Variants in PCDHA12 observed in about 807,000 individuals in gnomAD.
The protein encoded by PCDHA12 is protocadherin alpha 12.
PCDHA12 carries 44 observed loss-of-function variants against 60.0 expected under a neutral mutation model. The observed-to-expected ratio is 0.73, with a 90% CI of 0.58 to 0.94. The LOEUF (loss-of-function observed/expected upper bound fraction) is 0.94. PCDHA12 is among the 40% of genes least tolerant of loss of function. The pLI is 0.00. For missense variants in PCDHA12, 1,276 were observed against 1,239.7 expected, an observed-to-expected ratio of 1.03 and a Z score of -0.44; for synonymous variants, 569 against 553.0, an observed-to-expected ratio of 1.03 and a Z score of -0.40.
rs782034471 is a variant in PCDHA12 at position 141,010,170 on chromosome 5, T to G, written c.*233T>G. ...TCCACTCTGGCTTGTTTTCAGAACCTAAAAAGCAGACCCAAGTTTCCTTTC... is the reference window on the plus strand; with the variant it reads ...TCCACTCTGGCTTGTTTTCAGAACCGAAAAAGCAGACCCAAGTTTCCTTTC... On this transcript the variant is annotated 3_prime_UTR_variant, in exon 4 of 4. Transcript: ENST00000398631. 6.4e-7 allele frequency: 1 copy of G among 1,559,590 alleles called. No individual in the cohort carries two copies.
Position 140,877,791 on chromosome 5 carries a change from C to T in PCDHA12, c.2319C>T (p.Ser773=). ...CCAAGACGGACCTCATGGCCTTCAG[C>T]CCAAGCCTTCAGCTGTCTCGAGAAG... is the stretch of plus-strand genomic sequence containing the variant. The part of the protein sequence containing the change: ...SPPKTDLMAF[S]PSLQLSREDC... Residue 773 remains serine (S), a synonymous_variant, in exon 1 of 4, where the codon AGC becomes AGT. Transcript: ENST00000398631. 6.2e-7 allele frequency: 1 copy of T among 1,614,022 alleles called. No individual in the cohort carries two copies.
chr5:140,928,106 G>A, intron 1 of PCDHA12: 4 of 1,614,150 alleles, frequency 2.5e-6, no homozygotes, highest in Non-Finnish European at 3.4e-6. Context: ...CCCCTGGACC[G>A]GGAGCAGATC....
chr5:140,928,296 T>C (rs2085128137), intron 1 of PCDHA12: 6 of 1,614,054 alleles, frequency 3.7e-6, no homozygotes, highest in African/African-American at 1.3e-5. Flanking sequence ...GCCGAGTGTT[T>C]GCCCAGGACC....
At chr5:140,979,067 A>C (rs1938790025) in intron 2 of PCDHA12, 60 bp downstream of exon 2, 1 of 1,601,882 alleles carries the variant, frequency 6.2e-7, no homozygotes, top group Non-Finnish European at 8.5e-7. Flanking sequence ...GCTCAGATAA[A>C]CTGCATCTCC....
intron 1 of PCDHA12, among the ~76,000 whole-genome samples, chr5:140,904,056 G>A (rs1474308111): frequency 6.6e-6 from 1 of 151,944 alleles, no homozygotes; most frequent in Non-Finnish European, 1.5e-5. Context: ...TATTTCAATG[G>A]GTTTTTGGGG....
chr5:140,973,134 C>T (rs999970948), intron 1 of PCDHA12, among the ~76,000 whole-genome samples: 6 of 152,182 alleles, frequency 3.9e-5, no homozygotes, highest in Admixed American at 6.5e-5. Flanking sequence ...AGTTTGCATT[C>T]ACTTTCACTT....
intron 3 of PCDHA12, among the ~76,000 whole-genome samples, chr5:140,987,224 A>C (rs28567024): frequency 6.6e-6 from 1 of 151,930 alleles, no homozygotes; most frequent in South Asian, 2.1e-4. Context: ...AAAAAAAAAA[A>C]AAATAATAAA....
intron 2 of PCDHA12, among the ~76,000 whole-genome samples, chr5:140,979,323 T>C (rs2096844622): frequency 6.6e-6 from 1 of 152,180 alleles, no homozygotes; most frequent in Non-Finnish European, 1.5e-5. Context: ...TATGCTTTCT[T>C]TTCCTCCTTT....
intron 3 of PCDHA12, among the ~76,000 whole-genome samples, chr5:140,982,904 T>G (rs1353983952): frequency 1.3e-5 from 2 of 151,900 alleles, no homozygotes; most frequent in African/African-American, 4.8e-5. Context: ...GGTGGCCTTA[T>G]GCACAGAGAT....
At position 140,877,853 on chromosome 5, in the gene PCDHA12, A is replaced by G. The variant is rs1299590962; in HGVS notation, c.2367+14A>G. On this transcript the variant is annotated intron_variant, in intron 1 of 3. Transcript: ENST00000398631. ...CCTCCCAGTGAAGTAAGTTATTAAT[A>G]TTATTTAGATATATTTGTTTCCTTG... 2.0e-6 allele frequency: 3 copies of G among 1,535,406 alleles called. No homozygotes were observed. The East Asian group carries it at 7.1e-5, about 36-fold the overall frequency.
In PCDHA12 at chr5:141,010,461, G is replaced by A; in HGVS notation, c.*524G>A. The A allele has an allele frequency of 1.2e-6, 1 of 823,014 alleles. No homozygotes were observed. The highest frequency in any genetic ancestry group is 1.8e-6 in the Non-Finnish European group (1 of 553,022). The allele number at this position is 823,014 out of a possible 1,614,324, so 51.0% of individuals were successfully genotyped here. A position where few individuals can be genotyped will look rare whatever the true frequency, so the allele number is the denominator to read the frequency against. On this transcript the variant is annotated 3_prime_UTR_variant, in exon 4 of 4. Transcript: ENST00000398631. ...GACAAATAAACAGCGGAAGTTATCA[G>A]TATGGAGGGGAAGTGTAAACTTAAA...
rs1382247797 is a variant in PCDHA12 at position 141,012,282 on chromosome 5, C to T, written c.*2345C>T. 2.6e-5 allele frequency: 4 copies of T among 153,718 alleles called. No individual in the cohort carries two copies. Among genetic ancestry groups the T allele is most frequent in the Non-Finnish European group, 4.4e-5 (3 of 68,036 alleles). 9.5% of individuals were successfully genotyped at this position (153,718 alleles called of 1,614,324 possible). Reference sequence around the variant, plus strand: ...AAGGATAAAACACGTCATGTGGATTCATTTTGAATTGGTGCTATTGGTATT... The same window carrying T: ...AAGGATAAAACACGTCATGTGGATTTATTTTGAATTGGTGCTATTGGTATT... On this transcript the variant is annotated 3_prime_UTR_variant, in exon 4 of 4. Coordinates refer to ENST00000398631, the MANE Select transcript of PCDHA12 (RefSeq NM_018903.4).
chr5:140,982,633 A>G (rs2096992474), intron 3 of PCDHA12, 70 bp downstream of exon 3: 1 of 1,557,590 alleles, frequency 6.4e-7, no homozygotes, highest in Non-Finnish European at 8.7e-7. Flanking sequence ...CTTTTGTAAG[A>G]TCAGGAATGT....
At chr5:140,922,863 G>A (rs1429324543) in intron 1 of PCDHA12, among the ~76,000 whole-genome samples, 10 of 152,160 alleles carry the variant, frequency 6.6e-5, no homozygotes, top group Admixed American at 5.2e-4. Context: ...ACATAGACAA[G>A]GGGAAAAAAT....
At chr5:140,911,250 A>G (rs1165718759) in intron 1 of PCDHA12, among the ~76,000 whole-genome samples, 1 of 152,166 alleles carries the variant, frequency 6.6e-6, no homozygotes. Context: ...AAGTTTCATC[A>G]GAATTTATAA....
chr5:140,905,215 AAGGTG>A (rs2071683869), intron 1 of PCDHA12, among the ~76,000 whole-genome samples: 1 of 152,186 alleles, frequency 6.6e-6, no homozygotes, highest in Non-Finnish European at 1.5e-5. Flanking sequence ...ATTTTTGTGT[AAGGTG>A]AGAGATGAGG....
intron 1 of PCDHA12, among the ~76,000 whole-genome samples, chr5:140,949,414 C>G (rs887325816): frequency 6.6e-6 from 1 of 151,940 alleles, no homozygotes; most frequent in Non-Finnish European, 1.5e-5. Context: ...CACCTATCAT[C>G]ATTGTGTTTA....
intron 1 of PCDHA12, among the ~76,000 whole-genome samples, chr5:140,960,822 T>C (rs1225829114): frequency 4.6e-5 from 7 of 152,080 alleles, no homozygotes; most frequent in African/African-American, 1.7e-4. Context: ...AAGTGATGAA[T>C]GGAAACTTGG....
chr5:140,881,669 T>C (rs1030695213), intron 1 of PCDHA12, among the ~76,000 whole-genome samples: 17 of 152,248 alleles, frequency 1.1e-4, no homozygotes, highest in African/African-American at 4.1e-4. Context: ...TTTATTCTTA[T>C]GTGATTGTTA....
Sources: allele counts gnomAD v4.1 joint callset (sites outside exome capture counted in the v4.1 genomes callset), GRCh38; gene constraint gnomAD v4.1.1; transcripts MANE v1.5; gene names NCBI Gene and HGNC (gene_info 2026-07-23, HGNC 2026-07-21).